The following DRC12 variants were observed in gnomAD, a reference collection of about 807,000 sequenced individuals.
DRC12 encodes the protein dynein regulatory complex protein 12.
the DRC12 span, chr11:119,193,864 C>A: frequency 3.2e-6 from 5 of 1,551,514 alleles, no homozygotes; most frequent in Admixed American, 5.9e-5. Flanking sequence ...CTTGGCTCGA[C>A]GGGCTTCATC....
the DRC12 span, chr11:119,195,301 G>T: frequency 1.2e-6 from 1 of 856,930 alleles, no homozygotes. Flanking sequence ...GGACATGAAA[G>T]AGGTAGGTCA....
the DRC12 span, chr11:119,194,923 C>G: frequency 2.7e-5 from 42 of 1,551,220 alleles, no homozygotes; most frequent in Admixed American, 5.9e-5. Flanking sequence ...CCCTCCTTAC[C>G]CAAGTGGTCT....
chr11:119,191,977 C>CTT, the DRC12 span, among the ~76,000 whole-genome samples: 81 of 137,342 alleles, frequency 5.9e-4, 1 homozygote, highest in East Asian at 0.014. Flanking sequence ...AACCGAAGGC[C>CTT]TTTTTTTTTT....
the DRC12 span, chr11:119,195,242 C>T: frequency 1.5e-5 from 10 of 648,240 alleles, no homozygotes; most frequent in East Asian, 2.7e-5. Flanking sequence ...TAAAGGAGAG[C>T]GTGGGTGACC....
chr11:119,191,084 C>T, the DRC12 span, among the ~76,000 whole-genome samples: 1 of 151,236 alleles, frequency 6.6e-6, no homozygotes, highest in African/African-American at 2.4e-5. Flanking sequence ...ATGTCTCTTT[C>T]TGAGCCTTGG....
chr11:119,190,569 G>T, the DRC12 span: 1 of 1,549,696 alleles, frequency 6.5e-7, no homozygotes, highest in Non-Finnish European at 8.8e-7. This position sits in a 1 kb window ranked among gnomAD's most constrained non-coding sequence, Gnocchi z 4.2. Flanking sequence ...CCCTCTGTCT[G>T]CCCTCAGGAT....
the DRC12 span, chr11:119,193,888 G>A: frequency 3.9e-6 from 6 of 1,551,296 alleles, no homozygotes; most frequent in Non-Finnish European, 5.2e-6. Flanking sequence ...CCGTAGAGCT[G>A]TGAGCAGTCC....
chr11:119,195,375 A>G, the DRC12 span: 22 of 1,510,048 alleles, frequency 1.5e-5, no homozygotes, highest in Non-Finnish European at 1.8e-5. Context: ...CGTGGTCTTC[A>G]TGGCAGAACA....
chr11:119,194,819 C>A, the DRC12 span: 1 of 762,396 alleles, frequency 1.3e-6, no homozygotes, highest in Non-Finnish European at 2.1e-6. Flanking sequence ...TTAGGGTCAA[C>A]TTAACCCCCC....
the DRC12 span, chr11:119,193,055 C>T: frequency 6.5e-6 from 7 of 1,080,850 alleles, no homozygotes; most frequent in Admixed American, 1.7e-5. Flanking sequence ...GCCCAGACGG[C>T]AGCTTTCTGG....
the DRC12 span, chr11:119,193,400 C>T: frequency 1.2e-6 from 1 of 828,514 alleles, no homozygotes; most frequent in Non-Finnish European, 1.9e-6. Context: ...AAGCTGCAGA[C>T]CATGAAAACC....
At chr11:119,193,517 C>T in the DRC12 span, 1 of 1,291,376 alleles carries the variant, frequency 7.7e-7, no homozygotes, top group South Asian at 1.6e-5. Flanking sequence ...GCTATGACTG[C>T]ATGTGTATCC....
the DRC12 span, chr11:119,195,135 A>G: frequency 8.5e-6 from 6 of 704,362 alleles, no homozygotes; most frequent in African/African-American, 1.8e-5. Context: ...GGCAGAGTCT[A>G]CTGAAGTCAG....
At chr11:119,190,343 A>G in the DRC12 span, 228 of 1,613,712 alleles carry the variant, frequency 1.4e-4, 1 homozygote, top group African/African-American at 2.4e-3. This position sits in a 1 kb window ranked among gnomAD's most constrained non-coding sequence, Gnocchi z 4.2. Context: ...AGGGGGGGTG[A>G]GTCCAAACTG....
the DRC12 span, chr11:119,193,903 GC>G: frequency 9.7e-6 from 15 of 1,550,342 alleles, no homozygotes; most frequent in Non-Finnish European, 1.1e-5. Context: ...CAGTCCCAGA[GC>G]CGCCGTCAGG....
At chr11:119,192,749 C>T in the DRC12 span, among the ~76,000 whole-genome samples, 6 of 152,162 alleles carry the variant, frequency 3.9e-5, no homozygotes, top group East Asian at 7.7e-4. Flanking sequence ...TGGGTTCAAG[C>T]GATTCTCCTG....
the DRC12 span, chr11:119,195,393 G>A: frequency 2.6e-6 from 4 of 1,540,480 alleles, no homozygotes; most frequent in East Asian, 4.9e-5. Context: ...ACATGGAGAA[G>A]CAGGGGGCAC....
At chr11:119,192,986 C>T in the DRC12 span, among the ~76,000 whole-genome samples, 1 of 152,164 alleles carries the variant, frequency 6.6e-6, no homozygotes. Context: ...GTATCCCGAA[C>T]CCTCTGCTGC....
At chr11:119,194,887 C>T in the DRC12 span, 88 of 1,509,196 alleles carry the variant, frequency 5.8e-5, no homozygotes, top group South Asian at 9.5e-4. Context: ...TTCACTTCCC[C>T]TGTTGCCCAC....
Sources: gnomAD v4.1 joint callset for allele counts (sites outside exome capture counted in the v4.1 genomes callset) on GRCh38, gnomAD v4.1.1 for gene constraint, Gnocchi (gnomAD v3.1) non-coding constraint, MANE v1.5 for transcripts, NCBI Gene and HGNC (gene_info 2026-07-23, HGNC 2026-07-21) for gene names.